The following NUP153 variants were observed in gnomAD, a reference collection of about 807,000 sequenced individuals.
NUP153 encodes the protein nucleoporin 153.
In NUP153, 27 loss-of-function variants were observed where a neutral mutation model predicts 134.6. The ratio of observed to expected loss-of-function variants is 0.20; its 90% CI spans 0.15 to 0.28. The LOEUF is 0.28. Ranked by LOEUF, NUP153 falls within the 10% of genes least tolerant of loss-of-function variation. The pLI is 1.00. For synonymous variants in NUP153, 640 were observed against 623.5 expected (o/e 1.03, Z -0.40); for missense variants, 1,821 against 1,731.3 (o/e 1.05, Z -0.92).
rs778628658 is a variant in NUP153, at chr6:17,626,142, A to C, written c.3567T>G (p.Val1189=). ...AGGAACTGTTGTTCAAGAAACTAAA[A>C]ACTGGCTTTGCTGCACCTTGATCTG... ...TTADQGAAKP[V]FSFLNNSSSS... Residue 1189 remains valine (V), a synonymous_variant, in exon 19 of 22, where the codon GTT becomes GTG. Transcript: ENST00000262077. The C allele has an allele frequency of 1.1e-5, 18 of 1,612,646 alleles. No homozygotes were observed. The highest frequency in any genetic ancestry group is 1.5e-5 in the Non-Finnish European group (18 of 1,179,856).
chr6:17,618,393 C>T (rs547443249), intron 20 of NUP153, among the ~76,000 whole-genome samples: 167 of 151,558 alleles, frequency 1.1e-3, no homozygotes, highest in African/African-American at 3.9e-3. Flanking sequence ...ACTGACTCAG[C>T]AAAGAAACAA....
chr6:17,704,730 C>A (rs1237457711), intron 1 of NUP153, among the ~76,000 whole-genome samples: 18 of 139,480 alleles, frequency 1.3e-4, no homozygotes, highest in Admixed American at 1.4e-4. Context: ...AACTAGAAGA[C>A]AAAAAAAAAA....
intron 1 of NUP153, among the ~76,000 whole-genome samples, chr6:17,701,355 C>A (rs947664317): frequency 6.6e-6 from 1 of 152,046 alleles, no homozygotes. Flanking sequence ...TGGTGAAACC[C>A]AGTCTCTATT....
At chr6:17,616,285 G>T (rs559679164) in intron 21 of NUP153, 104 bp from the exon 22 acceptor site, 14 of 542,650 alleles carry the variant, frequency 2.6e-5, no homozygotes, top group Admixed American at 1.8e-4. Context: ...GGTCGGGTGG[G>T]GGGGGAGTAG....
Position 17,680,444 on chromosome 6 carries a change from T to C in NUP153, c.335-4674A>G, listed in dbSNP as rs1430826185. ...CCTTATCTTGAACCATATACAAAAA[T>C]TAACTCTAAATGGATTAAAGACCAA... On this transcript the variant is annotated intron_variant, in intron 2 of 21. Coordinates refer to ENST00000262077, the MANE Select transcript of NUP153 (RefSeq NM_005124.4). This position sits in a 1 kb window ranked among gnomAD's most constrained non-coding sequence, Gnocchi z 4.5. Among the ~76,000 whole-genome samples, 1 of 152,094 alleles carries C rather than the reference T, an allele frequency of 6.6e-6. No homozygotes were observed. Among genetic ancestry groups the C allele is most frequent in the Non-Finnish European group, 1.5e-5 (1 of 68,010 alleles).
rs1770504193 is a variant in NUP153, at chr6:17,706,389, G to A, written c.-2C>T. The stretch of plus-strand genomic sequence containing the variant: ...GACTCCTCCGGCTCCCGAGGCCATG[G>A]CGGAGCCTCCGCCGCTTCCCGCTCC... On this transcript the variant is annotated 5_prime_UTR_variant, in exon 1 of 22. Transcript: ENST00000262077. The surrounding 1 kb of genome is among the most constrained non-coding windows in gnomAD (Gnocchi z 5.9). The A allele has an allele frequency of 1.9e-6, 3 of 1,609,924 alleles. No homozygotes were observed. The highest frequency in any genetic ancestry group is 2.5e-6 in the Non-Finnish European group (3 of 1,178,478).
At chr6:17,648,009 AT>A (rs1427598343) in intron 12 of NUP153, 104 bp from the exon 13 acceptor site, 11 of 705,820 alleles carry the variant, frequency 1.6e-5, no homozygotes, top group Middle Eastern at 6.6e-4. Context: ...GACACTAAGT[AT>A]TTTTTCCTTT....
Position 17,638,353 on chromosome 6 carries a change from A to G in NUP153, c.1847-583T>C, listed in dbSNP as rs2113785580. Among the ~76,000 whole-genome samples the G allele has an allele frequency of 6.6e-6, 1 of 152,362 alleles. No homozygotes were observed. The highest frequency in any genetic ancestry group is 1.9e-4 in the East Asian group (1 of 5,192). On this transcript the variant is annotated intron_variant, in intron 15 of 21. Coordinates refer to ENST00000262077, the MANE Select transcript of NUP153 (RefSeq NM_005124.4). This position sits in a 1 kb window ranked among gnomAD's most constrained non-coding sequence, Gnocchi z 4.0. ...CTTTTGTAATTGTTTACTTAGGACC[A>G]GTTAACTTTTGTCTTACACACAACA...
chr6:17,674,809 C>A (rs1051425794), intron 5 of NUP153, 96 bp downstream of exon 5: 2 of 1,031,108 alleles, frequency 1.9e-6, no homozygotes, highest in African/African-American at 3.3e-5. Context: ...AAAAATAAAT[C>A]AAAACTATTT....
At chr6:17,624,449 G>GAGTTAATTTTAAAATTAATTTTT (rs1764813830) in intron 20 of NUP153, 112 bp downstream of exon 20, 1 of 1,029,860 alleles carries the variant, frequency 9.7e-7, no homozygotes, top group South Asian at 1.6e-5. Context: ...ATTCTGCCAA[G>GAGTTAATTTTAAAATTAATTTTT]TACAAGAGAT....
intron 2 of NUP153, among the ~76,000 whole-genome samples, chr6:17,683,209 A>G (rs75355469): frequency 2.6e-5 from 4 of 152,152 alleles, no homozygotes; most frequent in African/African-American, 7.2e-5. Context: ...TCTCCCCCAA[A>G]TTAGCCTTGA....
At chr6:17,648,006 A>G in intron 12 of NUP153, 101 bp from the exon 13 acceptor site, 1 of 720,804 alleles carries the variant, frequency 1.4e-6, no homozygotes, top group Non-Finnish European at 2.4e-6. Flanking sequence ...AAAGACACTA[A>G]GTATTTTTTC....
chr6:17,663,478 A>C (rs1767331514), intron 9 of NUP153, among the ~76,000 whole-genome samples: 1 of 152,116 alleles, frequency 6.6e-6, no homozygotes, highest in South Asian at 2.1e-4. Context: ...TGCCTGGGCT[A>C]GTCTTGAATT....
At chr6:17,618,384 C>G (rs1205737274) in intron 20 of NUP153, among the ~76,000 whole-genome samples, 1 of 151,902 alleles carries the variant, frequency 6.6e-6, no homozygotes, top group Non-Finnish European at 1.5e-5. Flanking sequence ...TTTGGGAAAA[C>G]TGACTCAGCA....
chr6:17,633,423 T>C (rs1042757170), intron 16 of NUP153, among the ~76,000 whole-genome samples: 4 of 152,246 alleles, frequency 2.6e-5, no homozygotes, highest in African/African-American at 9.6e-5. Flanking sequence ...TGACATTTGT[T>C]ACATGCTAGC....
intron 1 of NUP153, among the ~76,000 whole-genome samples, chr6:17,698,794 C>T (rs1769839114): frequency 6.7e-6 from 1 of 150,276 alleles, no homozygotes; most frequent in Non-Finnish European, 1.5e-5. Flanking sequence ...ACTTGAATCC[C>T]AGAGCGGGGC....
chr6:17,691,399 C>T (rs1769265917), intron 1 of NUP153, among the ~76,000 whole-genome samples: 1 of 152,166 alleles, frequency 6.6e-6, no homozygotes, highest in Non-Finnish European at 1.5e-5. Context: ...TAAAAACACA[C>T]CTAATACTAG....
Position 17,669,412 on chromosome 6 carries a change from G to T in NUP153, c.969+18C>A. ...GTTTTGTTACACTCCTGTATTAATC[G>T]TGATTTTAAAAATTTACCGCTAAAG... is the stretch of plus-strand genomic sequence containing the variant. On this transcript the variant is annotated intron_variant, in intron 6 of 21. Coordinates refer to ENST00000262077, the MANE Select transcript of NUP153 (RefSeq NM_005124.4). 6.2e-7 allele frequency: 1 copy of T among 1,601,702 alleles called. No individual in the cohort carries two copies. Among genetic ancestry groups the T allele is most frequent in the Non-Finnish European group, 8.6e-7 (1 of 1,168,766 alleles).
rs771387887 is a variant in NUP153 at position 17,706,415 on chromosome 6, G to C, written c.-28C>G. 7 of 1,580,980 alleles carry C rather than the reference G, an allele frequency of 4.4e-6. No individual in the cohort carries two copies. In the Admixed American group the frequency reaches 6.7e-5, roughly 15 times the overall value. ...CGGAGCCTCCGCCGCTTCCCGCTCC[G>C]GGGCGGGTAAGGGGGCGGGAGAGGC... On this transcript the variant is annotated 5_prime_UTR_variant, in exon 1 of 22. Coordinates refer to ENST00000262077, the MANE Select transcript of NUP153 (RefSeq NM_005124.4). This position sits in a 1 kb window ranked among gnomAD's most constrained non-coding sequence, Gnocchi z 5.9.
Sources: allele counts gnomAD v4.1 joint callset (sites outside exome capture counted in the v4.1 genomes callset), GRCh38; gene constraint gnomAD v4.1.1; non-coding constraint Gnocchi (gnomAD v3.1); transcripts MANE v1.5; gene names NCBI Gene and HGNC (gene_info 2026-07-23, HGNC 2026-07-21).